MINDY2: variants seen among roughly 807,000 people sequenced by gnomAD.
MINDY2 encodes ubiquitin carboxyl-terminal hydrolase MINDY-2.
MINDY2 carries 52 observed loss-of-function variants against 68.2 expected under a neutral mutation model. The observed-to-expected ratio is 0.76, with a 90% CI of 0.61 to 0.96. The LOEUF (loss-of-function observed/expected upper bound fraction) is 0.96, where lower values mean the gene tolerates loss of function less well. MINDY2 is among the 40% of genes least tolerant of loss of function. The probability of loss-of-function intolerance (pLI) is 0.00; values close to 1 mark genes in which losing one functional copy is unlikely to be tolerated. For synonymous variants in MINDY2, 372 were observed against 303.0 expected (o/e 1.23, Z -2.36); for missense variants, 881 against 773.4 (o/e 1.14, Z -1.65).
chr15:58,854,048 G>A (rs35059967), intron 8 of MINDY2, among the ~76,000 whole-genome samples: 4 of 151,900 alleles, frequency 2.6e-5, no homozygotes, highest in South Asian at 4.2e-4. Flanking sequence ...TGTGAGACCA[G>A]CCTGGCCAAC....
chr15:58,775,503 TA>T (rs1453792955), intron 1 of MINDY2, among the ~76,000 whole-genome samples: 1 of 152,220 alleles, frequency 6.6e-6, no homozygotes, highest in Non-Finnish European at 1.5e-5. Flanking sequence ...ACTTTGATAT[TA>T]GGCTAGAAGT....
At chr15:58,790,946 G>A (rs963321202) in intron 2 of MINDY2, among the ~76,000 whole-genome samples, 17 of 151,984 alleles carry the variant, frequency 1.1e-4, no homozygotes, top group South Asian at 4.2e-4. Flanking sequence ...TTGGGAGGCC[G>A]AGGCAGGCAG....
At position 58,771,425 on chromosome 15, in the gene MINDY2, G is replaced by T. The variant is rs1291424883; in HGVS notation, c.30G>T (p.Pro10=). MESSPESLQ[P]LEHGVAAGPA... ...AGAGCAGCCCCGAGAGCCTGCAGCC[G>T]CTAGAACACGGGGTGGCGGCCGGGC... is the stretch of plus-strand genomic sequence containing the variant. Residue 10 remains proline, a synonymous_variant, in exon 1 of 9, where the codon CCG becomes CCT. Coordinates refer to ENST00000559228, the MANE Select transcript of MINDY2 (RefSeq NM_001040450.3). The T allele has an allele frequency of 6.2e-7, 1 of 1,611,702 alleles. No individual in the cohort carries two copies. The highest frequency in any genetic ancestry group is 1.3e-5 in the African/African-American group (1 of 74,888).
intron 2 of MINDY2, among the ~76,000 whole-genome samples, chr15:58,792,752 C>T (rs1025296424): frequency 9.2e-5 from 14 of 152,138 alleles, no homozygotes; most frequent in Non-Finnish European, 1.6e-4. Flanking sequence ...GTATGAAGTA[C>T]GAATACATGC....
chr15:58,801,311 C>T (rs908907966), intron 2 of MINDY2, among the ~76,000 whole-genome samples: 1 of 141,280 alleles, frequency 7.1e-6, no homozygotes, highest in African/African-American at 2.7e-5. Context: ...AAAGATAGGC[C>T]AGGAACGGTG....
rs141302936 is a variant in MINDY2 at position 58,854,425 on chromosome 15, A to G, written c.1738-57A>G. ...TTACAGTTTTCCTTTCTAGATAACC[A>G]TGAGTAAGTCCCTCAGAATAGTTAG... On this transcript the variant is annotated intron_variant, in intron 8 of 8. Transcript: ENST00000559228. The G allele has an allele frequency of 3.1e-5, 48 of 1,565,444 alleles. No homozygotes were observed. The African/African-American group carries it at 5.4e-4, about 17-fold the overall frequency.
intron 4 of MINDY2, among the ~76,000 whole-genome samples, chr15:58,812,980 C>T (rs1422639908): frequency 6.6e-6 from 1 of 152,206 alleles, no homozygotes; most frequent in African/African-American, 2.4e-5. Flanking sequence ...TTACCCTCTT[C>T]TTAACCCCTG....
At chr15:58,786,209 C>T (rs1420430559) in intron 1 of MINDY2, among the ~76,000 whole-genome samples, 1 of 152,110 alleles carries the variant, frequency 6.6e-6, no homozygotes, top group Non-Finnish European at 1.5e-5. Context: ...CATTTGATAA[C>T]GTAAACACCT....
rs201818932 is a variant in MINDY2, at chr15:58,802,295, C to CTTTTT, written c.899-9_899-5dup. 1 of 1,017,212 alleles carries CTTTTT rather than the reference C, an allele frequency of 9.8e-7. No homozygotes were observed. The highest frequency in any genetic ancestry group is 1.7e-5 in the African/African-American group (1 of 57,798). The allele number at this position is 1,017,212 out of a possible 1,614,324, so 63.0% of individuals were successfully genotyped here. ...GTTTTTAAAAGGCAATTTTACAATT[C>CTTTTT]TTTTTTTTTTTTTACAGGAGATTAC... On this transcript the variant is annotated splice_polypyrimidine_tract_variant and intron_variant, in intron 2 of 8. Coordinates refer to ENST00000559228, the MANE Select transcript of MINDY2 (RefSeq NM_001040450.3).
Position 58,771,551 on chromosome 15 carries a change from T to A in MINDY2, c.156T>A (p.Asn52Lys), listed in dbSNP as rs758298665. 3.7e-6 allele frequency: 6 copies of A among 1,610,854 alleles called. No individual in the cohort carries two copies. The highest frequency in any genetic ancestry group is 5.1e-6 in the Non-Finnish European group (6 of 1,179,418). The change falls in exon 1 of 9, where the codon AAT becomes AAA. Residue 52 changes from asparagine (N) to lysine (K), a missense_variant. By Grantham distance (94) the Asn-to-Lys change is moderately conservative. Coordinates refer to ENST00000559228, the MANE Select transcript of MINDY2 (RefSeq NM_001040450.3). The part of the protein sequence containing the change: ...GVWAAETSGG[N>K]GLGAAAARRS... Reference sequence around the variant, plus strand: ...GGGCGGCGGAGACCAGCGGCGGGAATGGGCTGGGGGCGGCGGCCGCCAGGA... The same window carrying A: ...GGGCGGCGGAGACCAGCGGCGGGAAAGGGCTGGGGGCGGCGGCCGCCAGGA...
intron 6 of MINDY2, among the ~76,000 whole-genome samples, chr15:58,833,056 C>G (rs1325867507): frequency 6.6e-6 from 1 of 152,052 alleles, no homozygotes; most frequent in Admixed American, 6.6e-5. Context: ...CTGTTTTACT[C>G]TTTTTATCTC....
rs368183475 is a variant in MINDY2 at position 58,854,614 on chromosome 15, G to A, written c.*4G>A. The stretch of plus-strand genomic sequence containing the variant: ...AAATAGCTGTGTTATTTTGTAACAA[G>A]TGTTGGCTTCTGTTGGAACCACCTA... On this transcript the variant is annotated 3_prime_UTR_variant, in exon 9 of 9. Transcript: ENST00000559228. The A allele has an allele frequency of 9.0e-5, 144 of 1,604,030 alleles. No homozygotes were observed. Among genetic ancestry groups the A allele is most frequent in the Non-Finnish European group, 1.1e-4 (133 of 1,179,164 alleles).
intron 6 of MINDY2, among the ~76,000 whole-genome samples, chr15:58,842,072 T>C (rs905039353): frequency 6.6e-5 from 10 of 152,016 alleles, no homozygotes; most frequent in Middle Eastern, 6.3e-3. Flanking sequence ...ATCACATAGC[T>C]TCTAGATCTT....
chr15:58,775,831 A>G (rs1900738680), intron 1 of MINDY2, among the ~76,000 whole-genome samples: 2 of 151,852 alleles, frequency 1.3e-5, no homozygotes, highest in African/African-American at 4.8e-5. Context: ...TGTTAGAAGC[A>G]TGGACTGGGT....
Position 58,851,400 on chromosome 15 carries a change from T to C in MINDY2, c.1543-371T>C, listed in dbSNP as rs1174668146. ...AATGTTTTTTATTTTATTTTAATTA[T>C]TTTGTTATTTTATATTGTTTTCTTT... On this transcript the variant is annotated intron_variant, in intron 7 of 8. Transcript: ENST00000559228. Among the ~76,000 whole-genome samples, 3 of 152,172 alleles carry C rather than the reference T, an allele frequency of 2.0e-5. No homozygotes were observed. The East Asian group carries it at 5.8e-4, about 29-fold the overall frequency.
At chr15:58,794,254 A>G (rs1902123158) in intron 2 of MINDY2, among the ~76,000 whole-genome samples, 1 of 152,016 alleles carries the variant, frequency 6.6e-6, no homozygotes, top group South Asian at 2.1e-4. Context: ...AATGGATTGT[A>G]GGTCTTGATT....
chr15:58,830,458 T>C (rs2031649800), intron 5 of MINDY2, among the ~76,000 whole-genome samples: 2 of 152,260 alleles, frequency 1.3e-5, no homozygotes, highest in South Asian at 2.1e-4. Flanking sequence ...CATTGGAGGA[T>C]TTCAGATTTC....
chr15:58,811,774 G>A (rs1475100635), intron 4 of MINDY2, among the ~76,000 whole-genome samples: 1 of 152,144 alleles, frequency 6.6e-6, no homozygotes, highest in African/African-American at 2.4e-5. Context: ...GTCCATAGAG[G>A]TTAGTCTCCC....
chr15:58,802,984 T>C (rs1902765084), intron 3 of MINDY2, among the ~76,000 whole-genome samples: 1 of 152,208 alleles, frequency 6.6e-6, no homozygotes, highest in Non-Finnish European at 1.5e-5. Flanking sequence ...ATTGGCTTCT[T>C]AGAGTGGAAG....
Sources: allele counts gnomAD v4.1 joint callset (sites outside exome capture counted in the v4.1 genomes callset), GRCh38; gene constraint gnomAD v4.1.1; transcripts MANE v1.5; gene names NCBI Gene and HGNC (gene_info 2026-07-23, HGNC 2026-07-21).